Variants in GRM8 observed in about 807,000 individuals in gnomAD.
GRM8 encodes the protein metabotropic glutamate receptor 8.
A neutral mutation model predicts 87.2 loss-of-function variants in GRM8; 47 were observed. The ratio of observed to expected loss-of-function variants is 0.54; its 90% CI spans 0.43 to 0.69. The LOEUF is 0.69. Ranked by LOEUF, GRM8 falls within the 30% of genes least tolerant of loss-of-function variation. The pLI, the probability that GRM8 is intolerant of heterozygous loss-of-function variation, is 0.00. For missense variants in GRM8, 1,019 were observed against 1,139.2 expected (o/e 0.89, Z 1.52); for synonymous variants, 396 against 404.5 (o/e 0.98, Z 0.25).
chr7:126,871,649 G>T (rs1799108297), intron 6 of GRM8, among the ~76,000 whole-genome samples: 1 of 152,112 alleles, frequency 6.6e-6, no homozygotes, highest in South Asian at 2.1e-4. Context: ...TCTCTATGTG[G>T]TATACATAAT....
intron 2 of GRM8, among the ~76,000 whole-genome samples, chr7:127,185,140 A>C (rs1227456425): frequency 6.6e-6 from 1 of 152,236 alleles, no homozygotes; most frequent in Non-Finnish European, 1.5e-5. Flanking sequence ...TAAGTTTTAA[A>C]CCTAGAATAA....
intron 7 of GRM8, among the ~76,000 whole-genome samples, chr7:126,684,840 A>T (rs1002296639): frequency 7.2e-5 from 11 of 152,330 alleles, no homozygotes; most frequent in Admixed American, 5.9e-4. Flanking sequence ...AAGTCTGAAA[A>T]TATGGACTTT....
rs187613364 is a variant in GRM8 at position 126,950,761 on chromosome 7, T to A, written c.728-46078A>T. ...TCCTATTGTATAAATTAGAGAAACT[T>A]AGGCATGAGGATGTTAAATAACTTA... On this transcript the variant is annotated intron_variant, in intron 3 of 10. Coordinates refer to ENST00000339582, the MANE Select transcript of GRM8 (RefSeq NM_000845.3). Among the ~76,000 whole-genome samples the A allele has an allele frequency of 3.3e-5, 5 of 152,210 alleles. No homozygotes were observed. The East Asian group carries it at 9.7e-4, about 29-fold the overall frequency.
chr7:127,071,209 G>GA (rs367590299), intron 3 of GRM8, among the ~76,000 whole-genome samples: 2,750 of 151,778 alleles, frequency 0.018, 39 homozygotes, highest in Non-Finnish European at 0.03. Flanking sequence ...CGTGGCTGGG[G>GA]AAAAAAAATA....
At chr7:126,750,751 A>G (rs1816325525) in intron 7 of GRM8, among the ~76,000 whole-genome samples, 1 of 152,112 alleles carries the variant, frequency 6.6e-6, no homozygotes, top group South Asian at 2.1e-4. Flanking sequence ...TGACTCTATT[A>G]GTCCCAGTGT....
chr7:126,588,559 C>A (rs1796379800), intron 8 of GRM8, among the ~76,000 whole-genome samples: 1 of 152,056 alleles, frequency 6.6e-6, no homozygotes, highest in African/African-American at 2.4e-5. Flanking sequence ...ACCCAGATGC[C>A]CATCAGTGGT....
chr7:126,977,183 C>T (rs919161550), intron 3 of GRM8, among the ~76,000 whole-genome samples: 3 of 152,058 alleles, frequency 2.0e-5, no homozygotes, highest in Non-Finnish European at 4.4e-5. Flanking sequence ...TTTGAAAATA[C>T]AAGAAAAACC....
intron 7 of GRM8, among the ~76,000 whole-genome samples, chr7:126,703,656 C>T (rs1392575012): frequency 6.6e-6 from 1 of 152,158 alleles, no homozygotes. Flanking sequence ...AACTCCTGGC[C>T]TTGAGCGACC....
At chr7:126,505,801 A>T (rs1209233260) in intron 9 of GRM8, among the ~76,000 whole-genome samples, 1 of 152,240 alleles carries the variant, frequency 6.6e-6, no homozygotes. Context: ...GCTAATTAAC[A>T]TATCCATCAC....
At chr7:126,855,525 G>C (rs1797596494) in intron 6 of GRM8, among the ~76,000 whole-genome samples, 1 of 150,818 alleles carries the variant, frequency 6.6e-6, no homozygotes, top group Admixed American at 6.6e-5. Flanking sequence ...AGCCAGGCTG[G>C]AGTGCAATAG....
At chr7:126,496,867 T>TC (rs1182449174) in intron 9 of GRM8, among the ~76,000 whole-genome samples, 6 of 151,482 alleles carry the variant, frequency 4.0e-5, no homozygotes, top group Non-Finnish European at 7.4e-5. Context: ...TTTCCTAATC[T>TC]CCCCCCCACA....
At chr7:126,460,689 A>G (rs569470139) in intron 9 of GRM8, among the ~76,000 whole-genome samples, 2 of 151,708 alleles carry the variant, frequency 1.3e-5, no homozygotes, top group East Asian at 2.0e-4. Context: ...CTTTAAGATT[A>G]TTACCGTGAC....
chr7:127,223,443 GCACACACACACA>G (rs61674303), intron 2 of GRM8, among the ~76,000 whole-genome samples: 15,361 of 144,010 alleles, frequency 0.11, 906 homozygotes, highest in African/African-American at 0.15. Flanking sequence ...ACACACACAC[GCACACACACACA>G]CACACACACA....
At chr7:126,973,359 T>C (rs757043005) in intron 3 of GRM8, among the ~76,000 whole-genome samples, 2 of 152,226 alleles carry the variant, frequency 1.3e-5, no homozygotes, top group Non-Finnish European at 2.9e-5. Flanking sequence ...CTTGCTCTTC[T>C]ACTAATACAT....
At chr7:126,800,269 A>C (rs1461634912) in intron 6 of GRM8, among the ~76,000 whole-genome samples, 6 of 152,112 alleles carry the variant, frequency 3.9e-5, no homozygotes, top group Non-Finnish European at 8.8e-5. Flanking sequence ...GAAGGAGACC[A>C]GCCTCTATCA....
chr7:126,475,960 C>A (rs896693330), intron 9 of GRM8, among the ~76,000 whole-genome samples: 2 of 152,190 alleles, frequency 1.3e-5, no homozygotes, highest in South Asian at 2.1e-4. Context: ...TAAAAAATAA[C>A]TCAAAGTGAA....
intron 8 of GRM8, among the ~76,000 whole-genome samples, chr7:126,605,869 A>G (rs1246682235): frequency 6.6e-6 from 1 of 152,160 alleles, no homozygotes; most frequent in Non-Finnish European, 1.5e-5. Context: ...ATATATATAT[A>G]CCTTCATCAG....
intron 2 of GRM8, among the ~76,000 whole-genome samples, chr7:127,147,796 G>C (rs906829068): frequency 7.9e-5 from 12 of 151,878 alleles, no homozygotes; most frequent in Non-Finnish European, 1.0e-4. Flanking sequence ...TGTTTACCCA[G>C]AGAAAGAATA....
At chr7:126,991,296 G>A (rs766027371) in intron 3 of GRM8, among the ~76,000 whole-genome samples, 1 of 152,014 alleles carries the variant, frequency 6.6e-6, no homozygotes. Context: ...ATCTCTGTTT[G>A]TTGTTTCGCT....
Sources: allele counts gnomAD v4.1 joint callset (sites outside exome capture counted in the v4.1 genomes callset), GRCh38; gene constraint gnomAD v4.1.1; transcripts MANE v1.5; gene names NCBI Gene and HGNC (gene_info 2026-07-23, HGNC 2026-07-21).